Variants in LRP2 observed in about 807,000 individuals in gnomAD.
LRP2 encodes the protein LDL receptor related protein 2.
A neutral mutation model predicts 531.0 loss-of-function variants in LRP2; 172 were observed. The ratio of observed to expected loss-of-function variants is 0.32; its 90% CI spans 0.29 to 0.37. The LOEUF is 0.37. Ranked by LOEUF, LRP2 falls within the 10% of genes least tolerant of loss-of-function variation. The pLI, the probability that LRP2 is intolerant of heterozygous loss-of-function variation, is 1.00. For missense variants in LRP2, 5,167 were observed against 5,868.3 expected (o/e 0.88, Z 3.90); for synonymous variants, 1,992 against 2,027.6 (o/e 0.98, Z 0.47).
Position 169,290,965 on chromosome 2 carries a change from G to A in LRP2, c.802C>T (p.Pro268Ser). 6.2e-7 allele frequency: 1 copy of A among 1,614,120 alleles called. No individual in the cohort carries two copies. Among genetic ancestry groups the A allele is most frequent in the Non-Finnish European group, 8.5e-7 (1 of 1,180,016 alleles). The change falls in exon 8 of 79, where the codon CCA (proline) becomes TCA (serine). Residue 268 changes from proline to serine, a missense_variant. Coordinates refer to ENST00000649046, the MANE Select transcript of LRP2 (RefSeq NM_004525.3). ...GACTCTGGGCAAGACCATTCTCTTG[G>A]GGAACATTTATGAACATCATGAGGA... ...SGPHDVHKCS[P>S]REWSCPESGR...
At chr2:169,182,424 G>T (rs988194992) in intron 50 of LRP2, 105 bp from the exon 51 acceptor site, 198 of 1,591,126 alleles carry the variant, frequency 1.2e-4, no homozygotes, top group Non-Finnish European at 8.4e-5. Context: ...ACAGACAGTT[G>T]TTAGAAGTCA....
chr2:169,259,745 C>CA (rs5836225), intron 16 of LRP2, among the ~76,000 whole-genome samples: 204 of 150,832 alleles, frequency 1.4e-3, no homozygotes, highest in African/African-American at 4.5e-3. Flanking sequence ...ACAACAACAA[C>CA]AAAAAAAAAA....
chr2:169,211,924 G>A (rs1219665431), intron 37 of LRP2, 44 bp downstream of exon 37: 4 of 1,612,800 alleles, frequency 2.5e-6, no homozygotes, highest in African/African-American at 2.7e-5. Flanking sequence ...TTTCAACCTG[G>A]TGCCAGATGA....
chr2:169,139,837 G>C (rs751088176), intron 72 of LRP2, among the ~76,000 whole-genome samples: 5 of 152,194 alleles, frequency 3.3e-5, no homozygotes, highest in Non-Finnish European at 5.9e-5. Context: ...TGGCACTGAG[G>C]GGGTGAGTCT....
rs781403909 is a variant in LRP2 at position 169,235,833 on chromosome 2, A to G, written c.4920+7T>C. On this transcript the variant is annotated splice_region_variant and intron_variant, in intron 29 of 78. Coordinates refer to ENST00000649046, the MANE Select transcript of LRP2 (RefSeq NM_004525.3). ...TTTTAATTTGGTTTTCCTCACCACCAACTTACCAAATCACTGGCTATCACC... is the reference window on the plus strand; with the variant it reads ...TTTTAATTTGGTTTTCCTCACCACCGACTTACCAAATCACTGGCTATCACC... The G allele has an allele frequency of 6.2e-7, 1 of 1,610,092 alleles. No homozygotes were observed. Among genetic ancestry groups the G allele is most frequent in the Non-Finnish European group, 8.5e-7 (1 of 1,176,522 alleles).
At chr2:169,322,720 T>C (rs1684939975) in intron 1 of LRP2, among the ~76,000 whole-genome samples, 1 of 152,230 alleles carries the variant, frequency 6.6e-6, no homozygotes, top group South Asian at 2.1e-4. Context: ...CATTTGTAAG[T>C]TCAGTACATT....
rs1684077116 is a variant in LRP2, at chr2:169,294,194, A to G, written c.606T>C (p.Cys202=). ...NGECIPRAYV[C]DHDNDCQDGS... ...CGTCTTGGCAATCATTGTCATGGTC[A>G]CAGACATAAGCACGAGGGATACACT... is the stretch of plus-strand genomic sequence containing the variant. Residue 202 remains cysteine, a synonymous_variant, in exon 6 of 79, where the codon TGT becomes TGC. Transcript: ENST00000649046. The G allele has an allele frequency of 6.2e-7, 1 of 1,613,948 alleles. No individual in the cohort carries two copies. Among genetic ancestry groups the G allele is most frequent in the South Asian group, 1.1e-5 (1 of 91,082 alleles).
intron 68 of LRP2, among the ~76,000 whole-genome samples, chr2:169,148,466 G>T (rs1235584828): frequency 6.6e-6 from 1 of 152,054 alleles, no homozygotes; most frequent in African/African-American, 2.4e-5. Context: ...TACCATATGT[G>T]AATTATATAA....
chr2:169,299,822 C>A (rs1024664050), intron 4 of LRP2, among the ~76,000 whole-genome samples: 5 of 152,084 alleles, frequency 3.3e-5, no homozygotes, highest in Admixed American at 3.3e-4. Flanking sequence ...ACTAGCTGCA[C>A]CCCAGCATTA....
At chr2:169,152,403 C>A (rs935869993) in intron 67 of LRP2, among the ~76,000 whole-genome samples, 10 of 152,210 alleles carry the variant, frequency 6.6e-5, no homozygotes, top group African/African-American at 2.4e-4. Context: ...AATTGTGAGG[C>A]TGTCCCATTT....
intron 19 of LRP2, among the ~76,000 whole-genome samples, chr2:169,254,673 GAAAT>G (rs1278134525): frequency 7.9e-6 from 1 of 126,882 alleles, no homozygotes; most frequent in Non-Finnish European, 1.7e-5. Flanking sequence ...AATGTTGAAA[GAAAT>G]AAATAATTAT....
At chr2:169,333,152 A>G (rs1685309599) in intron 1 of LRP2, among the ~76,000 whole-genome samples, 1 of 152,124 alleles carries the variant, frequency 6.6e-6, no homozygotes, top group African/African-American at 2.4e-5. Flanking sequence ...GTAATATGTC[A>G]TTCTCTTTTT....
intron 3 of LRP2, among the ~76,000 whole-genome samples, chr2:169,316,607 G>T (rs2544380): frequency 0.32 from 48,077 of 151,914 alleles, 7,910 homozygotes; most frequent in African/African-American, 0.42. Flanking sequence ...TTTTCAGTTG[G>T]GACACCTTGA....
chr2:169,307,158 G>C, intron 4 of LRP2, 123 bp downstream of exon 4: 1 of 755,254 alleles, frequency 1.3e-6, no homozygotes, highest in South Asian at 1.4e-5. Context: ...TCTGCCAAGA[G>C]ATTGCAATAA....
chr2:169,145,715 G>T, intron 70 of LRP2, 32 bp downstream of exon 70: 1 of 1,601,952 alleles, frequency 6.2e-7, no homozygotes, highest in Non-Finnish European at 8.6e-7. Context: ...TCCAAGTAAT[G>T]AGGAGCATCT....
Position 169,198,863 on chromosome 2 carries a change from A to C in LRP2, c.8501T>G (p.Ile2834Ser), listed in dbSNP as rs369093039. The C allele has an allele frequency of 6.2e-7, 1 of 1,613,998 alleles. No individual in the cohort carries two copies. The highest frequency in any genetic ancestry group is 1.1e-5 in the South Asian group (1 of 91,082). ...ACACAAATAAACGCGAGGAATACAA[A>C]TATTTGAATTATGACATTTTGTGTA... ...SGYTKCHNSN[I>S]CIPRVYLCDG... Residue 2834 changes from isoleucine to serine, a missense_variant, in exon 45 of 79, where the codon ATT becomes AGT. Transcript: ENST00000649046.
chr2:169,206,088 C>A lies in LRP2; in HGVS notation c.7491G>T (p.Gly2497=), dbSNP rs750939831. The change falls in exon 40 of 79, where the codon GGG becomes GGT. Residue 2497 remains glycine, a synonymous_variant. Coordinates refer to ENST00000649046, the MANE Select transcript of LRP2 (RefSeq NM_004525.3). The part of the protein sequence containing the change: ...NQMINSMAED[G]SNRTVIARVP... ...CGCGGGCTATCACAGTGCGGTTAGA[C>A]CCATCTTCAGCCATGGAATTAATCA... The A allele has an allele frequency of 1.7e-5, 27 of 1,614,170 alleles. No individual in the cohort carries two copies. The East Asian group carries it at 5.3e-4, about 32-fold the overall frequency.
intron 1 of LRP2, among the ~76,000 whole-genome samples, chr2:169,359,679 T>G (rs1686091592): frequency 6.6e-6 from 1 of 152,204 alleles, no homozygotes. Context: ...ACTTGGGTTC[T>G]GGTCTTAGAA....
chr2:169,258,704 A>C (rs903571524), intron 17 of LRP2, among the ~76,000 whole-genome samples: 6 of 152,206 alleles, frequency 3.9e-5, no homozygotes, highest in African/African-American at 4.8e-5. Context: ...CTTTCCTGTT[A>C]ATTCTGTTGC....
Sources: allele counts gnomAD v4.1 joint callset (sites outside exome capture counted in the v4.1 genomes callset), GRCh38; gene constraint gnomAD v4.1.1; transcripts MANE v1.5; gene names NCBI Gene and HGNC (gene_info 2026-07-23, HGNC 2026-07-21).